The following RYR2 variants were observed in gnomAD, a reference collection of about 807,000 sequenced individuals.
The protein encoded by RYR2 is cardiac muscle ryanodine receptor-calcium release channel.
In RYR2, 227 loss-of-function variants were observed where a neutral mutation model predicts 601.1. That is an observed-to-expected ratio of 0.38 (90% CI 0.34 to 0.42). RYR2 has a LOEUF of 0.42. RYR2 is among the 10% of genes least tolerant of loss of function. The probability of loss-of-function intolerance (pLI) is 1.00; values close to 1 mark genes in which losing one functional copy is unlikely to be tolerated. For synonymous variants in RYR2, 2,223 were observed against 2,175.1 expected (o/e 1.02, Z -0.61); for missense variants, 4,646 against 6,156.5 (o/e 0.75, Z 8.21).
intron 1 of RYR2, among the ~76,000 whole-genome samples, chr1:237,126,722 G>C (rs1276606312): frequency 6.6e-6 from 1 of 151,916 alleles, no homozygotes; most frequent in Non-Finnish European, 1.5e-5. Context: ...TGAAGGATCT[G>C]AACATGTACC....
In RYR2 at chr1:237,707,562, A is replaced by G. The variant is rs371111047; in HGVS notation, c.9901+293A>G. ...TTATAGCCAGAGACAAAAATAAAAC[A>G]TTCAACTTTTAGCAATCCACTTGTA... On this transcript the variant is annotated intron_variant, in intron 68 of 104. Coordinates refer to ENST00000366574, the MANE Select transcript of RYR2 (RefSeq NM_001035.3). Among the ~76,000 whole-genome samples, 471 of 152,350 alleles carry G rather than the reference A, an allele frequency of 3.1e-3. 2 individuals are homozygous for G. The highest frequency in any genetic ancestry group is 0.011 in the African/African-American group (451 of 41,590).
At chr1:237,595,788 C>A in intron 34 of RYR2, 131 bp downstream of exon 34, 1 of 1,096,268 alleles carries the variant, frequency 9.1e-7, no homozygotes, top group Non-Finnish European at 1.2e-6. Flanking sequence ...GAAAATCAGC[C>A]GAGCAGACCT....
intron 8 of RYR2, among the ~76,000 whole-genome samples, chr1:237,384,505 C>T (rs1701816135): frequency 6.6e-6 from 1 of 152,256 alleles, no homozygotes; most frequent in African/African-American, 2.4e-5. Flanking sequence ...ACACATTCCC[C>T]TTCTCAGAAC....
intron 76 of RYR2, among the ~76,000 whole-genome samples, chr1:237,728,898 T>C (rs1465914341): frequency 6.6e-6 from 1 of 152,064 alleles, no homozygotes; most frequent in Non-Finnish European, 1.5e-5. Flanking sequence ...CATGTATACC[T>C]ATGTAACAAA....
chr1:237,232,380 G>T (rs1425260890), intron 1 of RYR2, among the ~76,000 whole-genome samples: 1 of 152,052 alleles, frequency 6.6e-6, no homozygotes, highest in East Asian at 1.9e-4. Context: ...AAAGGACAAG[G>T]TTCAGACAGT....
chr1:237,176,057 C>A (rs904947861), intron 1 of RYR2, among the ~76,000 whole-genome samples: 1 of 151,426 alleles, frequency 6.6e-6, no homozygotes, highest in Non-Finnish European at 1.5e-5. Context: ...CATAGTGAGA[C>A]CTTATCTCTG....
chr1:237,692,102 T>C (rs1686993513), intron 63 of RYR2, among the ~76,000 whole-genome samples: 1 of 152,214 alleles, frequency 6.6e-6, no homozygotes, highest in Admixed American at 6.5e-5. Context: ...GTAATAATGA[T>C]GGTGGCACAG....
intron 2 of RYR2, among the ~76,000 whole-genome samples, chr1:237,280,931 C>T (rs150765206): frequency 0.018 from 2,714 of 151,894 alleles, 57 homozygotes; most frequent in East Asian, 0.074. Context: ...ATTACAGGCA[C>T]GCACCACCAC....
chr1:237,523,554 G>A (rs1317743808), intron 24 of RYR2, among the ~76,000 whole-genome samples: 2 of 152,084 alleles, frequency 1.3e-5, no homozygotes, highest in Non-Finnish European at 2.9e-5. Flanking sequence ...GGCCAACATG[G>A]TGAAACTCCA....
At chr1:237,802,034 C>A in intron 98 of RYR2, 118 bp downstream of exon 98, 1 of 585,204 alleles carries the variant, frequency 1.7e-6, no homozygotes, top group Non-Finnish European at 3.1e-6. Flanking sequence ...TCATTTCATA[C>A]AGACCAGATC....
At chr1:237,532,636 T>C (rs972689296) in intron 25 of RYR2, among the ~76,000 whole-genome samples, 45 of 152,262 alleles carry the variant, frequency 3.0e-4, no homozygotes, top group African/African-American at 1.1e-3. Flanking sequence ...TAATTATACC[T>C]GTTACTCTTT....
At chr1:237,674,641 A>G (rs1041122741) in intron 59 of RYR2, 90 bp from the exon 60 acceptor site, 7 of 678,864 alleles carry the variant, frequency 1.0e-5, no homozygotes, top group South Asian at 1.7e-5. Flanking sequence ...ATATGTATGT[A>G]TATACACATA....
At chr1:237,341,764 T>C (rs904719757) in intron 3 of RYR2, 1 of 446,068 alleles carries the variant, frequency 2.2e-6, no homozygotes, top group African/African-American at 2.0e-5. Flanking sequence ...TTTGAACATA[T>C]GATAGAGCTT....
In RYR2 at chr1:237,175,646, AC is replaced by A. The variant is rs772114049; in HGVS notation, c.49-94849del. Among the ~76,000 whole-genome samples, 221 of 152,264 alleles carry A rather than the reference AC, an allele frequency of 1.5e-3. 1 individual carries two copies. The highest frequency in any genetic ancestry group is 3.4e-3 in the Middle Eastern group (1 of 294). On this transcript the variant is annotated intron_variant, in intron 1 of 104. Transcript: ENST00000366574. ...GCATCATCCTTAATGCCTGTGTCAT[AC>A]CTTGTATATCATTTTGAATGGCTTT...
intron 1 of RYR2, among the ~76,000 whole-genome samples, chr1:237,072,980 T>C (rs1664570208): frequency 6.6e-6 from 1 of 151,332 alleles, no homozygotes; most frequent in African/African-American, 2.4e-5. Flanking sequence ...ACTCATCTGT[T>C]AGTATAACTA....
chr1:237,274,049 ATATAT>A (rs1208326157), intron 2 of RYR2, among the ~76,000 whole-genome samples: 10 of 146,830 alleles, frequency 6.8e-5, no homozygotes, highest in South Asian at 2.1e-4. Flanking sequence ...AATATTTATA[ATATAT>A]TATAAATATA....
chr1:237,737,862 G>C (rs565928538), intron 79 of RYR2, among the ~76,000 whole-genome samples: 2 of 152,316 alleles, frequency 1.3e-5, no homozygotes, highest in South Asian at 4.1e-4. Flanking sequence ...AGATGTTACT[G>C]TGATTGCTTA....
chr1:237,470,773 A>G (rs1351263564), intron 17 of RYR2, among the ~76,000 whole-genome samples: 1 of 152,144 alleles, frequency 6.6e-6, no homozygotes, highest in African/African-American at 2.4e-5. Context: ...ACACACACAC[A>G]AGGAGTGAGT....
intron 17 of RYR2, among the ~76,000 whole-genome samples, chr1:237,472,651 A>G (rs1660857649): frequency 6.7e-6 from 1 of 150,240 alleles, no homozygotes; most frequent in Admixed American, 6.7e-5. Context: ...GTGAAAATTC[A>G]TTTTTAGAAT....
Sources: gnomAD v4.1 joint callset for allele counts (sites outside exome capture counted in the v4.1 genomes callset) on GRCh38, gnomAD v4.1.1 for gene constraint, MANE v1.5 for transcripts, NCBI Gene and HGNC (gene_info 2026-07-23, HGNC 2026-07-21) for gene names.